Variants in ALAS1 observed in about 807,000 individuals in gnomAD.
The protein encoded by ALAS1 is 5'-aminolevulinate synthase 1, also known as 5-aminolevulinate synthase, non-specific, mitochondrial.
A neutral mutation model predicts 59.6 loss-of-function variants in ALAS1; 29 were observed. That is an observed-to-expected ratio of 0.49 (90% confidence interval 0.36 to 0.66). The LOEUF (loss-of-function observed/expected upper bound fraction) is 0.66, where lower values mean the gene tolerates loss of function less well. ALAS1 is among the 30% of genes least tolerant of loss of function. The pLI, the probability that ALAS1 is intolerant of heterozygous loss-of-function variation, is 0.00. For synonymous variants in ALAS1, 299 were observed against 296.6 expected (o/e 1.01, Z -0.08); for missense variants, 690 against 807.5 (o/e 0.85, Z 1.76).
chr3:52,209,033 G>A (rs543700899), intron 9 of ALAS1, among the ~76,000 whole-genome samples: 2 of 152,274 alleles, frequency 1.3e-5, no homozygotes, highest in East Asian at 1.9e-4. Context: ...TAAAATGCCA[G>A]TTTATAGCCT....
chr3:52,200,780 A>G (rs1039665878), intron 3 of ALAS1, among the ~76,000 whole-genome samples: 2 of 152,242 alleles, frequency 1.3e-5, no homozygotes, highest in Non-Finnish European at 2.9e-5. Context: ...TGCTTCTGAT[A>G]GGAGAGAACA....
chr3:52,211,408 C>T lies in ALAS1; in HGVS notation c.1456C>T (p.Leu486=). 1 of 1,614,234 alleles carries T rather than the reference C, an allele frequency of 6.2e-7. No homozygotes were observed. Among genetic ancestry groups the T allele is most frequent in the Non-Finnish European group, 8.5e-7 (1 of 1,180,044 alleles). Residue 486 remains leucine, a synonymous_variant, in exon 10 of 12, where the codon CTG becomes TTG. Coordinates refer to ENST00000484952, the MANE Select transcript of ALAS1 (RefSeq NM_000688.6). ...SLPPMLLAGA[L]ESVRILKSAE... ...GCCACCCATGCTGCTGGCTGGAGCC[C>T]TGGAGTCTGTGCGGATCCTGAAGAG...
chr3:52,202,664 C>T lies in ALAS1; in HGVS notation c.357C>T (p.Gly119=), dbSNP rs1185479632. 1 of 1,614,188 alleles carries T rather than the reference C, an allele frequency of 6.2e-7. No homozygotes were observed. Among genetic ancestry groups the T allele is most frequent in the East Asian group, 2.2e-5 (1 of 44,880 alleles). ...PFLAAQMNQR[G]SSVFCKASLE... is the part of the protein sequence containing the mutation. Reference sequence around the variant, plus strand: ...TGGCAGCACAGATGAATCAGAGAGGCAGCAGTGTCTTCTGCAAAGCCAGTC... The same window carrying T: ...TGGCAGCACAGATGAATCAGAGAGGTAGCAGTGTCTTCTGCAAAGCCAGTC... Residue 119 remains glycine, a synonymous_variant, in exon 4 of 12, where the codon GGC becomes GGT. Transcript: ENST00000484952.
At chr3:52,209,924 C>T (rs1430465402) in intron 9 of ALAS1, among the ~76,000 whole-genome samples, 1 of 152,252 alleles carries the variant, frequency 6.6e-6, no homozygotes, top group South Asian at 2.1e-4. Flanking sequence ...AAGTGATTTG[C>T]CCCCCTCGGC....
In ALAS1 at chr3:52,212,271, C is replaced by A; in HGVS notation, c.1613C>A (p.Ala538Asp). 1.2e-6 allele frequency: 2 copies of A among 1,613,690 alleles called. No individual in the cohort carries two copies. Among genetic ancestry groups the A allele is most frequent in the Non-Finnish European group, 1.7e-6 (2 of 1,179,790 alleles). ...HIIPVRVADAAKNTEVCDELM... is the reference protein window; with the variant it reads ...HIIPVRVADADKNTEVCDELM... ...CATTGAACTTAGGTTGCAGATGCTG[C>A]TAAAAACACAGAAGTCTGTGATGAA... Residue 538 changes from alanine (A) to aspartate (D), a missense_variant, in exon 11 of 12, where the codon GCT becomes GAT. Coordinates refer to ENST00000484952, the MANE Select transcript of ALAS1 (RefSeq NM_000688.6).
At chr3:52,212,110 G>T (rs1209930870) in intron 10 of ALAS1, 148 bp from the exon 11 acceptor site, 1 of 704,402 alleles carries the variant, frequency 1.4e-6, no homozygotes, top group African/African-American at 1.8e-5. Context: ...CAGGTGTTTG[G>T]GCAGCGCTTT....
chr3:52,214,293 C>T lies in ALAS1; in HGVS notation c.*113C>T, dbSNP rs1699470962. 9.8e-7 allele frequency: 1 copy of T among 1,019,128 alleles called. No individual in the cohort carries two copies. Among genetic ancestry groups the T allele is most frequent in the African/African-American group, 1.6e-5 (1 of 61,856 alleles). The allele number at this position is 1,019,128 out of a possible 1,614,324, so 63.1% of individuals were successfully genotyped here. ...ATTAAATTTTAATCTATAGTAAAAA[C>T]ATAGTCCTGGAAATAAATTCTTGCT... is the stretch of plus-strand genomic sequence containing the variant. On this transcript the variant is annotated 3_prime_UTR_variant, in exon 12 of 12. Coordinates refer to ENST00000484952, the MANE Select transcript of ALAS1 (RefSeq NM_000688.6).
chr3:52,209,574 G>C (rs755353235), intron 9 of ALAS1, among the ~76,000 whole-genome samples: 18 of 152,346 alleles, frequency 1.2e-4, no homozygotes, highest in Non-Finnish European at 2.5e-4. Context: ...TTGTGAGATG[G>C]AAAAGGCTGG....
upstream of ALAS1, chr3:52,198,138 A>C: frequency 2.5e-6 from 1 of 398,362 alleles, no homozygotes. Context: ...CTGTATATTA[A>C]GGCGCCGGCG....
intron 4 of ALAS1, among the ~76,000 whole-genome samples, chr3:52,203,239 A>G (rs1054843335): frequency 1.6e-4 from 25 of 152,294 alleles, no homozygotes; most frequent in Non-Finnish European, 3.2e-4. Flanking sequence ...ATTGTTTTCT[A>G]TGAAGAAAAT....
At chr3:52,204,057 T>G (rs1173387126) in intron 5 of ALAS1, 45 bp downstream of exon 5, 1 of 1,562,736 alleles carries the variant, frequency 6.4e-7, no homozygotes, top group South Asian at 1.2e-5. Flanking sequence ...GAATTTATAA[T>G]TCAAATGTAC....
At chr3:52,212,917 G>A (rs1699441795) in intron 11 of ALAS1, among the ~76,000 whole-genome samples, 1 of 152,126 alleles carries the variant, frequency 6.6e-6, no homozygotes. Context: ...ACATCAAGAG[G>A]GTGGAGAGTC....
intron 9 of ALAS1, among the ~76,000 whole-genome samples, chr3:52,209,868 C>T (rs977426494): frequency 2.0e-5 from 3 of 152,070 alleles, no homozygotes; most frequent in South Asian, 2.1e-4. Flanking sequence ...TTAGTAGAAA[C>T]GGGGTTTCAC....
rs2107257530 is a variant in ALAS1, at chr3:52,198,197, G to A, written c.-268G>A. On this transcript the variant is annotated 5_prime_UTR_variant, in exon 1 of 12. Transcript: ENST00000484952. Reference sequence around the variant, plus strand: ...GACAAGGGCAACGAGCGTTTCGTTTGGACTTCTCGACTTGAGTGCCCGCCT... The same window carrying A: ...GACAAGGGCAACGAGCGTTTCGTTTAGACTTCTCGACTTGAGTGCCCGCCT... 1 of 398,950 alleles carries A rather than the reference G, an allele frequency of 2.5e-6. No homozygotes were observed. The highest frequency in any genetic ancestry group is 1.2e-4 in the South Asian group (1 of 8,046). The allele number at this position is 398,950 out of a possible 1,614,324, so 24.7% of individuals were successfully genotyped here. A position where few individuals can be genotyped will look rare whatever the true frequency, so the allele number is the denominator to read the frequency against.
At chr3:52,201,201 A>G (rs1320506723) in intron 3 of ALAS1, among the ~76,000 whole-genome samples, 2 of 152,230 alleles carry the variant, frequency 1.3e-5, no homozygotes, top group Non-Finnish European at 2.9e-5. Flanking sequence ...AAGAAGGTGA[A>G]TGAATTTGCT....
intron 11 of ALAS1, 117 bp downstream of exon 11, chr3:52,212,537 G>T (rs977659831): frequency 1.1e-4 from 129 of 1,215,802 alleles, no homozygotes; most frequent in Non-Finnish European, 1.4e-4. Flanking sequence ...TCTTTTTTTA[G>T]TTTTTTTTTT....
At chr3:52,208,836 C>G (rs948361171) in intron 9 of ALAS1, among the ~76,000 whole-genome samples, 10 of 152,148 alleles carry the variant, frequency 6.6e-5, no homozygotes, top group African/African-American at 2.4e-4. Context: ...GGACCTAAAT[C>G]AAAATATATG....
intron 2 of ALAS1, 128 bp from the exon 3 acceptor site, chr3:52,199,082 A>AT: frequency 1.9e-6 from 2 of 1,064,634 alleles, no homozygotes; most frequent in Non-Finnish European, 2.7e-6. Context: ...GTCCTTAGGC[A>AT]TTTTTGAGGG....
upstream of ALAS1, chr3:52,198,128 C>T (rs1290317351): frequency 3.5e-5 from 14 of 398,186 alleles, 1 homozygote; most frequent in Non-Finnish European, 5.8e-5. Flanking sequence ...GTCACTCCCG[C>T]TGTATATTAA....
Sources: gnomAD v4.1 joint callset for allele counts (sites outside exome capture counted in the v4.1 genomes callset) on GRCh38, gnomAD v4.1.1 for gene constraint, MANE v1.5 for transcripts, NCBI Gene and HGNC (gene_info 2026-07-23, HGNC 2026-07-21) for gene names.